The following USHBP1 variants were observed in gnomAD, a reference collection of about 807,000 sequenced individuals.
USHBP1 encodes the protein harmonin-binding protein USHBP1.
A neutral mutation model predicts 76.2 loss-of-function variants in USHBP1; 67 were observed. That is an observed-to-expected ratio of 0.88 (90% CI 0.72 to 1.08). USHBP1 has a LOEUF of 1.08. USHBP1 is among the 50% of genes least tolerant of loss of function. USHBP1 has a pLI of 0.00. For synonymous variants in USHBP1, 322 were observed against 362.2 expected (o/e 0.89, Z 1.26); for missense variants, 931 against 915.0 (o/e 1.02, Z -0.23).
chr19:17,254,343 C>G (rs143248228), intron 10 of USHBP1, among the ~76,000 whole-genome samples: 1,489 of 147,110 alleles, frequency 0.01, 19 homozygotes, highest in African/African-American at 0.034. Flanking sequence ...CGACACTCTG[C>G]CTCAAAAAAA....
chr19:17,258,474 T>A (rs969404063), intron 7 of USHBP1, 89 bp from the exon 8 acceptor site: 1 of 1,454,040 alleles, frequency 6.9e-7, no homozygotes, highest in Middle Eastern at 2.2e-4. Context: ...TTTGGGAGGC[T>A]GAGGCGGGAG....
intron 8 of USHBP1, among the ~76,000 whole-genome samples, chr19:17,257,436 A>G (rs1486776620): frequency 6.7e-6 from 1 of 149,934 alleles, no homozygotes; most frequent in Non-Finnish European, 1.5e-5. Flanking sequence ...TGAGGTCAGG[A>G]GTTCGAGACC....
Position 17,263,009 on chromosome 19 carries a change from G to C in USHBP1, c.204-19C>G, listed in dbSNP as rs1196524379. 2.0e-6 allele frequency: 3 copies of C among 1,507,474 alleles called. No homozygotes were observed. Among genetic ancestry groups the C allele is most frequent in the Non-Finnish European group, 1.8e-6 (2 of 1,127,912 alleles). The allele number at this position is 1,507,474 out of a possible 1,614,324, so 93.4% of individuals were successfully genotyped here. On this transcript the variant is annotated intron_variant, in intron 3 of 12. Coordinates refer to ENST00000252597, the MANE Select transcript of USHBP1 (RefSeq NM_031941.4). The stretch of plus-strand genomic sequence containing the variant: ...GTCAGTCCTGTGGACACCAACTCAG[G>C]CACTTGAGTCACTCCATGCTGGGCA...
rs781210059 is a variant in USHBP1 at position 17,251,613 on chromosome 19, C to T, written c.1891G>A (p.Glu631Lys). 8.7e-6 allele frequency: 14 copies of T among 1,613,960 alleles called. No individual in the cohort carries two copies. Among genetic ancestry groups the T allele is most frequent in the South Asian group, 2.2e-5 (2 of 91,072 alleles). Residue 631 changes from glutamate to lysine, a missense_variant, in exon 12 of 13, where the codon GAG (glutamate) becomes AAG (lysine). Transcript: ENST00000252597. ...GCTTTGCATAAATCCCTGTTCAGCT[C>T]GGCACTCTGAGACCGTCTGGCTCGC... ...KGRARRSQSA[E>K]LNRDLCKAHS...
intron 8 of USHBP1, 60 bp downstream of exon 8, chr19:17,258,152 A>T: frequency 6.2e-7 from 1 of 1,603,632 alleles, no homozygotes; most frequent in East Asian, 2.2e-5. Context: ...TGGGAGCCCC[A>T]TCCCCCAGTC....
Position 17,249,958 on chromosome 19 carries a change from A to G in USHBP1, c.*267T>C. 2.1e-6 allele frequency: 1 copy of G among 481,872 alleles called. No individual in the cohort carries two copies. The highest frequency in any genetic ancestry group is 4.1e-5 in the East Asian group (1 of 24,318). 29.8% of individuals were successfully genotyped at this position (481,872 alleles called of 1,614,324 possible). On this transcript the variant is annotated 3_prime_UTR_variant, in exon 13 of 13. Coordinates refer to ENST00000252597, the MANE Select transcript of USHBP1 (RefSeq NM_031941.4). Reference sequence around the variant, plus strand: ...CCCCCGAAATGCGTCAGTCCCAGGGACCTGGTCCCATAGCCCAGGTTGCTT... The same window carrying G: ...CCCCCGAAATGCGTCAGTCCCAGGGGCCTGGTCCCATAGCCCAGGTTGCTT...
In USHBP1 at chr19:17,264,197, C is replaced by T. The variant is rs775923067; in HGVS notation, c.55-47G>A. The T allele has an allele frequency of 3.7e-6, 6 of 1,612,858 alleles. No individual in the cohort carries two copies. In the Admixed American group the frequency reaches 8.4e-5, roughly 22 times the overall value. On this transcript the variant is annotated intron_variant, in intron 2 of 12. Transcript: ENST00000252597. ...CTGCTCTGAGCCAGGCAGGACAGGACCTTGGGGTCCCCAGGATCTGGGTGT... is the reference window on the plus strand; with the variant it reads ...CTGCTCTGAGCCAGGCAGGACAGGATCTTGGGGTCCCCAGGATCTGGGTGT...
Position 17,262,840 on chromosome 19 carries a change from C to T in USHBP1, c.354G>A (p.Val118=). 1 of 1,613,826 alleles carries T rather than the reference C, an allele frequency of 6.2e-7. No homozygotes were observed. The highest frequency in any genetic ancestry group is 1.1e-5 in the South Asian group (1 of 91,066). ...TVPPGNGAPD[V]FQTLQHTLSS... ...TCAGAGTGTGCTGGAGGGTCTGAAA[C>T]ACATCGGGGGCCCCATTCCCAGGGG... is the stretch of plus-strand genomic sequence containing the variant. Residue 118 remains valine (V), a synonymous_variant, in exon 4 of 13, where the codon GTG becomes GTA. Coordinates refer to ENST00000252597, the MANE Select transcript of USHBP1 (RefSeq NM_031941.4).
At chr19:17,257,879 G>A (rs1441491362) in intron 8 of USHBP1, among the ~76,000 whole-genome samples, 1 of 152,088 alleles carries the variant, frequency 6.6e-6, no homozygotes, top group Non-Finnish European at 1.5e-5. Context: ...GAACTACTGA[G>A]CTCAAACGAT....
intron 7 of USHBP1, 68 bp downstream of exon 7, chr19:17,259,221 G>T: frequency 6.5e-7 from 1 of 1,535,204 alleles, no homozygotes; most frequent in African/African-American, 1.4e-5. Flanking sequence ...GGGTTCTGTG[G>T]ATTGGGGCCA....
intron 12 of USHBP1, 58 bp downstream of exon 12, chr19:17,251,524 C>T: frequency 6.2e-7 from 1 of 1,604,914 alleles, no homozygotes. Context: ...AGGGATACTT[C>T]TGATATCCTG....
At chr19:17,255,083 C>A (rs1389261349) in intron 10 of USHBP1, among the ~76,000 whole-genome samples, 2 of 151,954 alleles carry the variant, frequency 1.3e-5, no homozygotes, top group Non-Finnish European at 2.9e-5. Flanking sequence ...TCGAGAGCAG[C>A]CTGGCTAACA....
intron 8 of USHBP1, among the ~76,000 whole-genome samples, chr19:17,257,372 G>C (rs1320923520): frequency 6.8e-6 from 1 of 147,848 alleles, no homozygotes; most frequent in Non-Finnish European, 1.5e-5. Context: ...GCCGGGCGCA[G>C]TGCCTAACGC....
chr19:17,259,381 T>G lies in USHBP1; in HGVS notation c.954A>C (p.Leu318=), dbSNP rs11880383. The G allele has an allele frequency of 0.17, 274,217 of 1,613,862 alleles. 28,303 individuals are homozygous for G. The highest frequency in any genetic ancestry group is 0.47 in the African/African-American group (35,043 of 74,938). The change falls in exon 7 of 13, where the codon CTA becomes CTC. Residue 318 remains leucine, a synonymous_variant. Coordinates refer to ENST00000252597, the MANE Select transcript of USHBP1 (RefSeq NM_031941.4). ...KCFNRLLSAV[L]QGYKGRCEGL... is the part of the protein sequence containing the mutation. ...CTTCACAGCGGCCCTTGTATCCCTG[T>G]AGCACAGCTGATAGCAGACGATTAA... is the stretch of plus-strand genomic sequence containing the variant.
chr19:17,263,972 A>G, intron 3 of USHBP1, 30 bp downstream of exon 3: 1 of 1,518,096 alleles, frequency 6.6e-7, no homozygotes, highest in Non-Finnish European at 8.8e-7. Flanking sequence ...TCTGGACTGG[A>G]GTGAAGGGCA....
At chr19:17,251,880 C>G (rs201811579) in intron 11 of USHBP1, 31 bp downstream of exon 11, 3 of 1,523,010 alleles carry the variant, frequency 2.0e-6, no homozygotes, top group Non-Finnish European at 2.6e-6. Context: ...GCCTGCCCAC[C>G]CCCCGCACAG....
chr19:17,262,871 G>T lies in USHBP1; in HGVS notation c.323C>A (p.Thr108Asn). The T allele has an allele frequency of 1.2e-6, 2 of 1,612,696 alleles. No individual in the cohort carries two copies. Among genetic ancestry groups the T allele is most frequent in the Non-Finnish European group, 8.5e-7 (1 of 1,179,034 alleles). The change falls in exon 4 of 13, where the codon ACT becomes AAT. Residue 108 changes from threonine to asparagine, a missense_variant. Physicochemically the swap from Thr to Asn is moderately conservative, Grantham distance 65. Transcript: ENST00000252597. ...APEAALQYKE[T>N]VPPGNGAPDV... ...GGGGGCCCCATTCCCAGGGGGCACA[G>T]TCTCCTTGTACTGTAGGGCTGCTTC...
chr19:17,259,559 C>T (rs763805790), intron 6 of USHBP1, 37 bp downstream of exon 6: 15 of 1,602,144 alleles, frequency 9.4e-6, no homozygotes, highest in Admixed American at 1.8e-5. Context: ...GGAGGAGGTG[C>T]CTGTGCCCTT....
At chr19:17,261,790 T>C (rs1247897974) in intron 4 of USHBP1, among the ~76,000 whole-genome samples, 1 of 151,898 alleles carries the variant, frequency 6.6e-6, no homozygotes, top group Non-Finnish European at 1.5e-5. Flanking sequence ...TGTCAAGCAA[T>C]TCTCCTGCCT....
Sources: allele counts gnomAD v4.1 joint callset (sites outside exome capture counted in the v4.1 genomes callset), GRCh38; gene constraint gnomAD v4.1.1; transcripts MANE v1.5; gene names NCBI Gene and HGNC (gene_info 2026-07-23, HGNC 2026-07-21).